Variants in SYNJ1 observed in about 807,000 individuals in gnomAD.
The protein encoded by SYNJ1 is polyphosphatidylinositol phosphatase SYNJ1.
SYNJ1 carries 78 observed loss-of-function variants against 168.2 expected under a neutral mutation model. That is an observed-to-expected ratio of 0.46 (90% CI 0.39 to 0.56). The LOEUF is 0.56. Among genes scored for constraint, SYNJ1 ranks in the 20% least tolerant of loss-of-function variants. The pLI is 0.00. For missense variants in SYNJ1, 1,303 were observed against 1,597.6 expected (o/e 0.82, Z 3.14); for synonymous variants, 539 against 548.6 (o/e 0.98, Z 0.24).
chr21:32,707,782 T>G (rs2146276721), intron 2 of SYNJ1, among the ~76,000 whole-genome samples: 1 of 152,264 alleles, frequency 6.6e-6, no homozygotes, highest in South Asian at 2.1e-4. Context: ...TTAAAAATAA[T>G]ATATAAAGTG....
chr21:32,655,930 C>G (rs2040436949), intron 21 of SYNJ1, among the ~76,000 whole-genome samples: 1 of 152,178 alleles, frequency 6.6e-6, no homozygotes, highest in African/African-American at 2.4e-5. Context: ...CTAGTCATCA[C>G]ATCTCTGTTA....
chr21:32,671,126 T>C (rs1278602333), intron 14 of SYNJ1, among the ~76,000 whole-genome samples: 3 of 151,820 alleles, frequency 2.0e-5, no homozygotes, highest in Non-Finnish European at 2.9e-5. Context: ...CTGGGCAACA[T>C]AGTGAGACCC....
chr21:32,658,186 T>C lies in SYNJ1; in HGVS notation c.2305-314A>G, dbSNP rs112985229. Among the ~76,000 whole-genome samples the C allele has an allele frequency of 7.4e-4, 112 of 152,306 alleles. 1 individual carries two copies. The highest frequency in any genetic ancestry group is 2.6e-3 in the African/African-American group (107 of 41,560). ...AATGAGAACTTATATCCCTGTTTTCTCGCTCGAATGTTGCTTTTTCCAAAA... is the reference window on the plus strand; with the variant it reads ...AATGAGAACTTATATCCCTGTTTTCCCGCTCGAATGTTGCTTTTTCCAAAA... On this transcript the variant is annotated intron_variant, in intron 18 of 32. Coordinates refer to ENST00000674351, the MANE Select transcript of SYNJ1 (RefSeq NM_203446.3).
chr21:32,666,675 G>T, intron 15 of SYNJ1, 102 bp from the exon 16 acceptor site: 1 of 1,207,866 alleles, frequency 8.3e-7, no homozygotes, highest in Non-Finnish European at 1.1e-6. Context: ...AATATCCTAA[G>T]ACTCTGAAGG....
intron 6 of SYNJ1, among the ~76,000 whole-genome samples, chr21:32,692,455 T>C (rs967559192): frequency 6.6e-6 from 1 of 152,062 alleles, no homozygotes; most frequent in African/African-American, 2.4e-5. Flanking sequence ...CACGCGCCTA[T>C]AGTCCCAGCT....
chr21:32,699,927 A>C lies in SYNJ1; in HGVS notation c.390T>G (p.Phe130Leu). 1 of 1,614,204 alleles carries C rather than the reference A, an allele frequency of 6.2e-7. No homozygotes were observed. The highest frequency in any genetic ancestry group is 8.5e-7 in the Non-Finnish European group (1 of 1,180,036). The change falls in exon 4 of 33, where the codon TTT (phenylalanine) becomes TTG (leucine). Residue 130 changes from phenylalanine (F) to leucine (L), a missense_variant. Physicochemically the swap from Phe to Leu is conservative, Grantham distance 22 (BLOSUM62 0). Coordinates refer to ENST00000674351, the MANE Select transcript of SYNJ1 (RefSeq NM_203446.3). ...AACTGATGCCAGATGCAGACCATGCAAAATAAAAGTTTCCTGAATTCAAAA... is the reference window on the plus strand; with the variant it reads ...AACTGATGCCAGATGCAGACCATGCCAAATAAAAGTTTCCTGAATTCAAAA... ...RKVLNSGNFY[F>L]AWSASGISLD...
At chr21:32,649,143 T>C (rs2040180492) in intron 23 of SYNJ1, among the ~76,000 whole-genome samples, 1 of 152,254 alleles carries the variant, frequency 6.6e-6, no homozygotes, top group South Asian at 2.1e-4. Context: ...TATGTCACTT[T>C]ATTATAATTG....
At chr21:32,711,614 G>C (rs569876726) in intron 2 of SYNJ1, among the ~76,000 whole-genome samples, 3 of 152,272 alleles carry the variant, frequency 2.0e-5, no homozygotes, top group Non-Finnish European at 4.4e-5. Flanking sequence ...ACAGGTGTGA[G>C]CCACCGCGCC....
intron 9 of SYNJ1, among the ~76,000 whole-genome samples, chr21:32,685,038 C>A (rs113898698): frequency 0.038 from 5,774 of 151,568 alleles, 118 homozygotes; most frequent in African/African-American, 0.05. Flanking sequence ...AAAAAACAGC[C>A]GGGAGTGGTG....
At position 32,657,295 on chromosome 21, in the gene SYNJ1, A is replaced by G. The variant is rs530362389; in HGVS notation, c.2462-175T>C. ...ACCTTTAAATTCGAAAGGTTTTGGT[A>G]AAGTTATCATTTTATGCTTTATTTA... On this transcript the variant is annotated intron_variant, in intron 19 of 32. Coordinates refer to ENST00000674351, the MANE Select transcript of SYNJ1 (RefSeq NM_203446.3). Among the ~76,000 whole-genome samples, 4 of 152,368 alleles carry G rather than the reference A, an allele frequency of 2.6e-5. No homozygotes were observed. The East Asian group carries it at 5.8e-4, about 22-fold the overall frequency.
At chr21:32,700,164 T>C in intron 3 of SYNJ1, 59 bp from the exon 4 acceptor site, 1 of 1,522,798 alleles carries the variant, frequency 6.6e-7, no homozygotes, top group Non-Finnish European at 8.8e-7. Flanking sequence ...GCTATTCCAT[T>C]TCTTCTTGCA....
At chr21:32,665,870 T>G in intron 17 of SYNJ1, 73 bp downstream of exon 17, 1 of 1,401,424 alleles carries the variant, frequency 7.1e-7, no homozygotes, top group Non-Finnish European at 9.5e-7. Flanking sequence ...TCCAAAAACA[T>G]TGATGTAGAA....
intron 2 of SYNJ1, among the ~76,000 whole-genome samples, chr21:32,717,535 G>A (rs769141955): frequency 5.4e-4 from 82 of 152,140 alleles, no homozygotes; most frequent in Non-Finnish European, 1.0e-3. Context: ...GGGCTGGAGT[G>A]GAATTTAGTC....
At chr21:32,638,228 C>T (rs554006006) in intron 31 of SYNJ1, among the ~76,000 whole-genome samples, 84 of 152,212 alleles carry the variant, frequency 5.5e-4, no homozygotes, top group Non-Finnish European at 1.1e-3. Flanking sequence ...GGCACAACAC[C>T]TGGATAGTTC....
intron 7 of SYNJ1, 89 bp downstream of exon 7, chr21:32,688,217 C>T: frequency 7.7e-7 from 1 of 1,304,258 alleles, no homozygotes. Context: ...TATTTAAAGC[C>T]AAAAAAGTTT....
intron 14 of SYNJ1, among the ~76,000 whole-genome samples, chr21:32,671,373 T>G (rs1258211305): frequency 6.6e-6 from 1 of 152,134 alleles, no homozygotes; most frequent in East Asian, 1.9e-4. Flanking sequence ...AAAAAATTAT[T>G]GACTGCTATT....
rs147544792 is a variant in SYNJ1, at chr21:32,685,760, C to T, written c.1106G>A (p.Ser369Asn). 1.0e-4 allele frequency: 161 copies of T among 1,605,498 alleles called. No individual in the cohort carries two copies. Among genetic ancestry groups the T allele is most frequent in the Non-Finnish European group, 1.2e-4 (142 of 1,177,372 alleles). ...LDYGFFYFNGSEVQRCQSGTV... is the reference protein window; with the variant it reads ...LDYGFFYFNGNEVQRCQSGTV... The stretch of plus-strand genomic sequence containing the variant: ...AGAACAGTCAAACCTTTGAACTTCA[C>T]TTCCATTGAAATAAAAAAATCCATA... The change falls in exon 9 of 33, where the codon AGT (serine) becomes AAT (asparagine). Residue 369 changes from serine to asparagine, a missense_variant. Ser to Asn is a conservative substitution (Grantham distance 46). This residue lies in a region of SYNJ1 where 920 missense variants were observed against 1,208.8 expected (regional missense o/e 0.76). Transcript: ENST00000674351.
At chr21:32,695,562 C>T (rs982236180) in intron 4 of SYNJ1, among the ~76,000 whole-genome samples, 4 of 151,856 alleles carry the variant, frequency 2.6e-5, no homozygotes, top group African/African-American at 9.7e-5. Context: ...TGTTTATAAC[C>T]TAACTTGTTC....
intron 2 of SYNJ1, among the ~76,000 whole-genome samples, chr21:32,721,766 A>C (rs528827965): frequency 6.6e-6 from 1 of 152,356 alleles, no homozygotes; most frequent in Admixed American, 6.5e-5. Flanking sequence ...TCAAATTGGC[A>C]TTTCAGAAGA....
Sources: allele counts gnomAD v4.1 joint callset (sites outside exome capture counted in the v4.1 genomes callset), GRCh38; gene constraint gnomAD v4.1.1; regional missense constraint gnomAD v4.1.1; transcripts MANE v1.5; gene names NCBI Gene and HGNC (gene_info 2026-07-23, HGNC 2026-07-21).